The following ATAD2B variants were observed in gnomAD, a reference collection of about 807,000 sequenced individuals.
The protein encoded by ATAD2B is ATPase family AAA domain-containing protein 2B.
A neutral mutation model predicts 167.6 loss-of-function variants in ATAD2B; 40 were observed. The ratio of observed to expected loss-of-function variants is 0.24; its 90% CI spans 0.19 to 0.31. The LOEUF is 0.31. Among genes scored for constraint, ATAD2B ranks in the 10% least tolerant of loss-of-function variants. ATAD2B has a pLI of 1.00. For missense variants in ATAD2B, 1,242 were observed against 1,757.2 expected (o/e 0.71, Z 5.24); for synonymous variants, 579 against 596.5 (o/e 0.97, Z 0.43).
At chr2:23,737,361 C>T in the ATAD2B span, among the ~76,000 whole-genome samples, 3 of 152,176 alleles carry the variant, frequency 2.0e-5, no homozygotes, top group African/African-American at 4.8e-5. Flanking sequence ...TCCAGAGGAA[C>T]GATCAGGCAG....
At chr2:23,914,330 A>AAAACTCACG (rs1337238818) in intron 1 of ATAD2B, among the ~76,000 whole-genome samples, 1 of 152,170 alleles carries the variant, frequency 6.6e-6, no homozygotes, top group African/African-American at 2.4e-5. Flanking sequence ...AAAAAAAGTC[A>AAAACTCACG]AAACTCACGA....
At chr2:23,713,502 A>C in the ATAD2B span, among the ~76,000 whole-genome samples, 2 of 152,144 alleles carry the variant, frequency 1.3e-5, no homozygotes, top group African/African-American at 2.4e-5. Context: ...ATTGAGCAAC[A>C]ATAACCACTA....
intron 1 of ATAD2B, among the ~76,000 whole-genome samples, chr2:23,915,241 T>C (rs1218981339): frequency 5.9e-5 from 9 of 152,094 alleles, no homozygotes; most frequent in Non-Finnish European, 2.9e-5. Flanking sequence ...AAAAGACATA[T>C]ATATAAACCA....
At chr2:23,734,284 G>C in the ATAD2B span, among the ~76,000 whole-genome samples, 4 of 152,120 alleles carry the variant, frequency 2.6e-5, no homozygotes, top group African/African-American at 9.7e-5. Context: ...AGTCTCCCGA[G>C]TAGCTGGGAC....
At chr2:23,894,315 C>T (rs1699914052) in intron 2 of ATAD2B, among the ~76,000 whole-genome samples, 1 of 151,890 alleles carries the variant, frequency 6.6e-6, no homozygotes, top group African/African-American at 2.4e-5. Flanking sequence ...AACCCTGTCT[C>T]TACAAAAAAT....
Position 23,751,282 on chromosome 2 carries a change from A to G in ATAD2B, c.*764T>C, listed in dbSNP as rs376892498. ...TTACAAGAAAACTTACCATTTTAGT[A>G]TATTATGTGGCTTACTGGGTGTCTT... On this transcript the variant is annotated 3_prime_UTR_variant, in exon 28 of 28. Coordinates refer to ENST00000238789, the MANE Select transcript of ATAD2B (RefSeq NM_017552.4). 11 of 152,240 alleles carry G rather than the reference A, an allele frequency of 7.2e-5. No individual in the cohort carries two copies. Among genetic ancestry groups the G allele is most frequent in the African/African-American group, 2.6e-4 (11 of 41,550 alleles). 9.4% of individuals were successfully genotyped at this position (152,240 alleles called of 1,614,324 possible).
intron 22 of ATAD2B, among the ~76,000 whole-genome samples, chr2:23,772,034 A>G (rs1678403595): frequency 6.6e-6 from 1 of 150,422 alleles, no homozygotes; most frequent in South Asian, 2.1e-4. Context: ...CAACCACACT[A>G]CTCCTCTTAT....
At position 23,754,868 on chromosome 2, in the gene ATAD2B, C is replaced by A. The variant is rs1297725401; in HGVS notation, c.4079-94G>T. On this transcript the variant is annotated intron_variant, in intron 25 of 27. Coordinates refer to ENST00000238789, the MANE Select transcript of ATAD2B (RefSeq NM_017552.4). Reference sequence around the variant, plus strand: ...AAATTCTTTTACCTACCACACAAATCCCTTTTGGAATGAGGAAGGGTGTAT... The same window carrying A: ...AAATTCTTTTACCTACCACACAAATACCTTTTGGAATGAGGAAGGGTGTAT... 8.9e-5 allele frequency: 116 copies of A among 1,302,666 alleles called. 3 individuals carry two copies. The highest frequency in any genetic ancestry group is 2.6e-5 in the Non-Finnish European group (25 of 951,682). 80.7% of individuals were successfully genotyped at this position (1,302,666 alleles called of 1,614,324 possible).
intron 24 of ATAD2B, among the ~76,000 whole-genome samples, chr2:23,758,336 G>A (rs1362420940): frequency 6.6e-6 from 1 of 152,148 alleles, no homozygotes; most frequent in Non-Finnish European, 1.5e-5. Context: ...TCCTGTATGA[G>A]TTTATTCAGC....
intron 12 of ATAD2B, among the ~76,000 whole-genome samples, chr2:23,860,020 G>A (rs545100255): frequency 6.6e-6 from 1 of 152,098 alleles, no homozygotes; most frequent in East Asian, 1.9e-4. Context: ...AAAGTGTGTA[G>A]GTCTTGAGGC....
At chr2:23,759,917 C>T (rs886382075) in intron 24 of ATAD2B, among the ~76,000 whole-genome samples, 21 of 152,202 alleles carry the variant, frequency 1.4e-4, no homozygotes, top group African/African-American at 5.1e-4. Flanking sequence ...CGCTATTAGG[C>T]TTTTACTACC....
intron 2 of ATAD2B, among the ~76,000 whole-genome samples, chr2:23,890,128 T>C (rs1699267245): frequency 6.6e-6 from 1 of 151,976 alleles, no homozygotes; most frequent in Non-Finnish European, 1.5e-5. Flanking sequence ...GGCAGGAGAA[T>C]GGCGTGAACC....
the ATAD2B span, among the ~76,000 whole-genome samples, chr2:23,743,577 AAGAG>A: frequency 1.3e-5 from 2 of 150,422 alleles, no homozygotes; most frequent in Non-Finnish European, 3.0e-5. Context: ...AAAAAAAAAA[AAGAG>A]AGAGAGAGTT....
Position 23,915,581 on chromosome 2 carries a change from C to T in ATAD2B, c.216+10974G>A, listed in dbSNP as rs1474266363. 1.2e-4 allele frequency among the ~76,000 whole-genome samples: 16 copies of T among 137,454 alleles called. 1 individual carries two copies. The Admixed American group carries it at 1.3e-3, about 11-fold the overall frequency. The allele number at this position is 137,454 out of a possible 152,430, so 90.2% of individuals were successfully genotyped here. ...GGTGTAAACAACCATGTCTGACTAC[C>T]GATTCTTTTTTTTTTTTTTTTTTTT... On this transcript the variant is annotated intron_variant, in intron 1 of 27. Transcript: ENST00000238789.
At chr2:23,855,815 G>C (rs1475357601) in intron 13 of ATAD2B, among the ~76,000 whole-genome samples, 1 of 152,168 alleles carries the variant, frequency 6.6e-6, no homozygotes, top group Non-Finnish European at 1.5e-5. Flanking sequence ...CTTGGGCCTA[G>C]AAGTTTGAGG....
At chr2:23,768,220 A>G (rs746826675) in intron 22 of ATAD2B, among the ~76,000 whole-genome samples, 14 of 152,184 alleles carry the variant, frequency 9.2e-5, no homozygotes, top group Non-Finnish European at 1.9e-4. Context: ...GTACACATCC[A>G]TAACATTACC....
At chr2:23,785,781 C>A in intron 21 of ATAD2B, 1 of 359,856 alleles carries the variant, frequency 2.8e-6, no homozygotes, top group Non-Finnish European at 4.9e-6. Context: ...CCTCTTAAAT[C>A]GAAGAGTAAG....
intron 17 of ATAD2B, among the ~76,000 whole-genome samples, chr2:23,814,065 C>T (rs937806085): frequency 7.9e-5 from 12 of 151,740 alleles, no homozygotes; most frequent in African/African-American, 2.2e-4. Context: ...CTACCCTGGG[C>T]GACATAGACA....
At chr2:23,768,862 A>T (rs1677857793) in intron 22 of ATAD2B, among the ~76,000 whole-genome samples, 1 of 152,216 alleles carries the variant, frequency 6.6e-6, no homozygotes, top group South Asian at 2.1e-4. Flanking sequence ...AGTGCTGAAT[A>T]CTAATCCATT....
Sources: allele counts gnomAD v4.1 joint callset (sites outside exome capture counted in the v4.1 genomes callset), GRCh38; gene constraint gnomAD v4.1.1; transcripts MANE v1.5; gene names NCBI Gene and HGNC (gene_info 2026-07-23, HGNC 2026-07-21).